Variants in HIRA observed in about 807,000 individuals in gnomAD.
HIRA encodes histone cell cycle regulator.
HIRA carries 13 observed loss-of-function variants against 126.6 expected under a neutral mutation model. The observed-to-expected ratio is 0.10, with a 90% CI of 0.07 to 0.16. HIRA has a LOEUF of 0.16. Ranked by LOEUF, HIRA falls within the 10% of genes least tolerant of loss-of-function variation. The pLI is 1.00. For synonymous variants in HIRA, 511 were observed against 520.0 expected (o/e 0.98, Z 0.24); for missense variants, 834 against 1,314.4 (o/e 0.63, Z 5.65).
chr22:19,356,245 G>T lies in HIRA; in HGVS notation c.2440C>A (p.His814Asn). 6.2e-7 allele frequency: 1 copy of T among 1,614,090 alleles called. No homozygotes were observed. Residue 814 changes from histidine to asparagine, a missense_variant, in exon 20 of 25, where the codon CAC becomes AAC. By Grantham distance (68) the His-to-Asn change is moderately conservative (BLOSUM62 1). Transcript: ENST00000263208. ...QVVVVKEESLHSILAGSDMTV... is the reference protein window; with the variant it reads ...QVVVVKEESLNSILAGSDMTV... Reference sequence around the variant, plus strand: ...CCTGCATTACCTGCCAGGATGGAGTGTAGAGACTCTTCTTTCACCACAACC... The same window carrying T: ...CCTGCATTACCTGCCAGGATGGAGTTTAGAGACTCTTCTTTCACCACAACC...
intron 5 of HIRA, among the ~76,000 whole-genome samples, chr22:19,400,545 G>A (rs916595): frequency 0.35 from 53,603 of 152,044 alleles, 11,641 homozygotes; most frequent in Non-Finnish European, 0.48. Context: ...TTCCAGATAC[G>A]ATCCTTTAGA....
chr22:19,403,037 A>C (rs1302602480), intron 5 of HIRA, among the ~76,000 whole-genome samples: 3 of 150,182 alleles, frequency 2.0e-5, no homozygotes, highest in Admixed American at 1.3e-4. Flanking sequence ...CAGGAGTTCA[A>C]GGCTGCAGTG....
At position 19,333,365 on chromosome 22, in the gene HIRA, A is replaced by G. The variant is rs564969275; in HGVS notation, c.2938-1809T>C. Among the ~76,000 whole-genome samples the G allele has an allele frequency of 3.9e-5, 6 of 152,344 alleles. No homozygotes were observed. The East Asian group carries it at 1.2e-3, about 29-fold the overall frequency. On this transcript the variant is annotated intron_variant, in intron 24 of 24. Coordinates refer to ENST00000263208, the MANE Select transcript of HIRA (RefSeq NM_003325.4). Reference sequence around the variant, plus strand: ...TGATTACTATCAACTTTATGCTAAGAAATTTGAACATTTAGAGAAAATGGA... The same window carrying G: ...TGATTACTATCAACTTTATGCTAAGGAATTTGAACATTTAGAGAAAATGGA...
chr22:19,373,979 G>C (rs1222296749), intron 15 of HIRA, among the ~76,000 whole-genome samples: 1 of 131,770 alleles, frequency 7.6e-6, no homozygotes, highest in African/African-American at 2.6e-5. Context: ...GCTCTTTCCT[G>C]TGAACTAGTT....
chr22:19,355,533 A>G (rs921354738), intron 21 of HIRA, among the ~76,000 whole-genome samples: 13 of 152,188 alleles, frequency 8.5e-5, no homozygotes, highest in African/African-American at 3.1e-4. Context: ...AAAATAATGC[A>G]GGAGGACAGT....
chr22:19,403,537 G>A (rs536294047), intron 5 of HIRA, among the ~76,000 whole-genome samples: 3 of 152,284 alleles, frequency 2.0e-5, no homozygotes, highest in East Asian at 3.9e-4. Context: ...GCTGGAACCC[G>A]GGAGGTGGAG....
intron 5 of HIRA, chr22:19,405,423 C>T (rs913107980): frequency 4.4e-6 from 4 of 904,950 alleles, no homozygotes; most frequent in Non-Finnish European, 5.3e-6. Flanking sequence ...CAATGGGCAT[C>T]TGTGAGCTGA....
intron 15 of HIRA, among the ~76,000 whole-genome samples, chr22:19,374,027 T>C (rs1480017489): frequency 6.6e-6 from 1 of 151,368 alleles, no homozygotes; most frequent in African/African-American, 2.4e-5. Flanking sequence ...TAATCCAGCA[T>C]TTCAAAGTAT....
At chr22:19,392,716 G>C (rs965558647) in intron 8 of HIRA, among the ~76,000 whole-genome samples, 1 of 152,206 alleles carries the variant, frequency 6.6e-6, no homozygotes, top group South Asian at 2.1e-4. Context: ...AGTCATAACC[G>C]TCTAGCAGAG....
intron 14 of HIRA, 71 bp downstream of exon 14, chr22:19,377,798 C>T (rs541689051): frequency 7.5e-7 from 1 of 1,330,290 alleles, no homozygotes; most frequent in Non-Finnish European, 1.0e-6. Context: ...GAATAAAATT[C>T]TCTGTCCTCA....
rs999688097 is a variant in HIRA, at chr22:19,385,653, A to G, written c.1197T>C (p.Pro399=). Residue 399 remains proline, a synonymous_variant, in exon 12 of 25, where the codon CCT becomes CCC. Coordinates refer to ENST00000263208, the MANE Select transcript of HIRA (RefSeq NM_003325.4). ...AQLSTAVIEN[P]EMLKYQRRQQ... ...GCCTTCGCTGGTACTTGAGCATCTCAGGGTTCTCAATGACGGCTGTGGAGA... is the reference window on the plus strand; with the variant it reads ...GCCTTCGCTGGTACTTGAGCATCTCGGGGTTCTCAATGACGGCTGTGGAGA... 6.2e-7 allele frequency: 1 copy of G among 1,614,048 alleles called. No homozygotes were observed. The highest frequency in any genetic ancestry group is 8.5e-7 in the Non-Finnish European group (1 of 1,180,038).
intron 1 of HIRA, among the ~76,000 whole-genome samples, chr22:19,430,661 T>C (rs1218285485): frequency 6.6e-6 from 1 of 151,940 alleles, no homozygotes; most frequent in Non-Finnish European, 1.5e-5. Flanking sequence ...GGCGCGCTTT[T>C]TTCATCTACC....
intron 13 of HIRA, among the ~76,000 whole-genome samples, chr22:19,382,889 T>C (rs1416570078): frequency 6.6e-6 from 1 of 152,084 alleles, no homozygotes. Context: ...TCTTCCCCCT[T>C]CTCTGTCCCC....
At chr22:19,420,945 C>G (rs886257963) in intron 1 of HIRA, among the ~76,000 whole-genome samples, 1 of 152,174 alleles carries the variant, frequency 6.6e-6, no homozygotes, top group Non-Finnish European at 1.5e-5. Context: ...GAAAAATCTG[C>G]TAGCTCAACA....
At chr22:19,382,767 C>CTT (rs1228408103) in intron 13 of HIRA, among the ~76,000 whole-genome samples, 1 of 134,290 alleles carries the variant, frequency 7.4e-6, no homozygotes. Flanking sequence ...TATCATTTTT[C>CTT]TTTCTTTTTT....
chr22:19,373,207 C>G (rs5748161), intron 15 of HIRA, among the ~76,000 whole-genome samples: 20,828 of 152,130 alleles, frequency 0.14, 2,847 homozygotes, highest in African/African-American at 0.35. Flanking sequence ...TTATAGAATA[C>G]AGTATTAATC....
chr22:19,372,052 A>G (rs1276931662), intron 15 of HIRA, among the ~76,000 whole-genome samples: 1 of 152,198 alleles, frequency 6.6e-6, no homozygotes, highest in Non-Finnish European at 1.5e-5. Context: ...ACTGTTTTCC[A>G]AAGGTGCTAA....
chr22:19,375,352 G>A (rs1188119333), intron 15 of HIRA, among the ~76,000 whole-genome samples: 1 of 152,130 alleles, frequency 6.6e-6, no homozygotes, highest in East Asian at 1.9e-4. Context: ...ATTATTCTCA[G>A]TTCAGCCTCT....
intron 15 of HIRA, among the ~76,000 whole-genome samples, chr22:19,372,489 A>C (rs2088975449): frequency 6.6e-6 from 1 of 152,112 alleles, no homozygotes; most frequent in Non-Finnish European, 1.5e-5. Context: ...GACTTTAATT[A>C]GATGGGATTT....
Sources: gnomAD v4.1 joint callset for allele counts (sites outside exome capture counted in the v4.1 genomes callset) on GRCh38, gnomAD v4.1.1 for gene constraint, MANE v1.5 for transcripts, NCBI Gene and HGNC (gene_info 2026-07-23, HGNC 2026-07-21) for gene names.